The following NEBL variants were observed in gnomAD, a reference collection of about 807,000 sequenced individuals.
NEBL encodes LIM and SH3 protein 2.
Under a neutral mutation model 140.2 loss-of-function variants are expected in NEBL, and 122 were observed. That is an observed-to-expected ratio of 0.87 (90% confidence interval 0.75 to 1.01). The LOEUF is 1.01. NEBL is among the 50% of genes least tolerant of loss of function. NEBL has a pLI of 0.00. For synonymous variants in NEBL, 436 were observed against 398.9 expected (o/e 1.09, Z -1.11); for missense variants, 1,365 against 1,231.3 (o/e 1.11, Z -1.62).
rs112981415 is a variant in NEBL, at chr10:20,815,833, A to G, written c.2149-116T>C. ...ACCCAGGCTGAAGTGCAGTGGTACA[A>G]TCTTTGCTCACCACAGCCTCGATCT... On this transcript the variant is annotated intron_variant, in intron 21 of 27. Transcript: ENST00000377122. The G allele has an allele frequency of 2.5e-3, 1,915 of 765,252 alleles. 23 individuals are homozygous for G. In the African/African-American group the frequency reaches 0.027, roughly 11 times the overall value. 47.4% of individuals were successfully genotyped at this position (765,252 alleles called of 1,614,324 possible).
At chr10:20,888,015 C>T in intron 4 of NEBL, 82 bp downstream of exon 4, 2 of 989,604 alleles carry the variant, frequency 2.0e-6, no homozygotes, top group Non-Finnish European at 3.2e-6. Flanking sequence ...ATGATGAAAA[C>T]GTTTTATTAA....
At chr10:21,244,521 C>T (rs75903609) in intron 3 of NEBL, among the ~76,000 whole-genome samples, 5,334 of 150,970 alleles carry the variant, frequency 0.035, 138 homozygotes, top group South Asian at 0.11. Context: ...GCATGGTGGC[C>T]GGCGCCTGTA....
At chr10:20,812,221 A>ATTAT (rs898524121) in intron 24 of NEBL, among the ~76,000 whole-genome samples, 6 of 152,096 alleles carry the variant, frequency 3.9e-5, no homozygotes, top group African/African-American at 7.2e-5. Flanking sequence ...CAGAAAAACA[A>ATTAT]TTATTTTGTT....
At position 20,812,787 on chromosome 10, in the gene NEBL, T is replaced by G; in HGVS notation, c.2500A>C (p.Arg834=). ...AGCTTACCAACAATGATTCCAGGTC[T>G]CCTGTCCATCTCCACGATGTGAGGG... ...VHPHIVEMDR[R]PGIIVDLKVW... Residue 834 remains arginine (R), a synonymous_variant, in exon 24 of 28, where the codon AGA becomes CGA. Coordinates refer to ENST00000377122, the MANE Select transcript of NEBL (RefSeq NM_006393.3). 1 of 1,613,944 alleles carries G rather than the reference T, an allele frequency of 6.2e-7. No individual in the cohort carries two copies. Among genetic ancestry groups the G allele is most frequent in the East Asian group, 2.2e-5 (1 of 44,830 alleles).
chr10:20,887,213 T>G (rs74123533), intron 4 of NEBL, among the ~76,000 whole-genome samples: 6,813 of 143,156 alleles, frequency 0.048, 453 homozygotes, highest in African/African-American at 0.15. Flanking sequence ...TAAACCCTTC[T>G]GGATTCAAAA....
intron 21 of NEBL, among the ~76,000 whole-genome samples, chr10:20,816,773 C>T (rs893768977): frequency 5.3e-5 from 8 of 152,152 alleles, no homozygotes; most frequent in African/African-American, 1.9e-4. Flanking sequence ...GAGCAGGCCA[C>T]AAGTTGGTGT....
At chr10:21,088,871 C>A (rs1836775783) in intron 2 of NEBL, among the ~76,000 whole-genome samples, 1 of 152,146 alleles carries the variant, frequency 6.6e-6, no homozygotes, top group Non-Finnish European at 1.5e-5. Context: ...GGAAGTCTTT[C>A]TAGAAGAGCT....
At chr10:21,166,320 G>A (rs1045257254) in intron 2 of NEBL, among the ~76,000 whole-genome samples, 1 of 149,322 alleles carries the variant, frequency 6.7e-6, no homozygotes, top group Non-Finnish European at 1.5e-5. Context: ...AAAGTTTGCC[G>A]AAAGAATTCT....
At chr10:20,958,733 A>C (rs1175559520) in intron 4 of NEBL, among the ~76,000 whole-genome samples, 1 of 152,156 alleles carries the variant, frequency 6.6e-6, no homozygotes, top group African/African-American at 2.4e-5. Flanking sequence ...CTGTGGCTAC[A>C]CTAAGTGGGT....
chr10:21,192,345 C>T (rs1381681717), intron 3 of NEBL, among the ~76,000 whole-genome samples: 2 of 151,670 alleles, frequency 1.3e-5, no homozygotes, highest in Non-Finnish European at 2.9e-5. Context: ...GCACCCACCA[C>T]CACGCCTGGC....
chr10:20,796,367 G>GAAAAAAAAAAA (rs57844177), intron 26 of NEBL, among the ~76,000 whole-genome samples: 19 of 51,506 alleles, frequency 3.7e-4, no homozygotes, highest in Middle Eastern at 0.022. Flanking sequence ...TCTAAAACAA[G>GAAAAAAAAAAA]AAAAAAAAAA....
intron 3 of NEBL, among the ~76,000 whole-genome samples, chr10:21,231,394 G>A (rs965815944): frequency 1.3e-5 from 2 of 152,068 alleles, no homozygotes; most frequent in Non-Finnish European, 2.9e-5. Flanking sequence ...GCAAAAATTA[G>A]CCAGGCTTGG....
upstream of NEBL, among the ~76,000 whole-genome samples, chr10:20,901,727 C>T (rs1306896464): frequency 6.6e-6 from 1 of 152,140 alleles, no homozygotes; most frequent in Non-Finnish European, 1.5e-5. Context: ...GGTTTTTTCA[C>T]ACTCATTTTT....
rs533832819 is a variant in NEBL, at chr10:20,926,847, A to C, written c.357+34825T>G. Among the ~76,000 whole-genome samples the C allele has an allele frequency of 6.6e-5, 10 of 152,360 alleles. No individual in the cohort carries two copies. The South Asian group carries it at 1.9e-3, about 28-fold the overall frequency. The stretch of plus-strand genomic sequence containing the variant: ...CAGATCGGTTTCAATTTCTGAAAAG[A>C]AGAGAAACACAACCTATGAATATTC... On this transcript the variant is annotated intron_variant, in intron 4 of 6. Coordinates refer to the NEBL transcript ENST00000417816.
At chr10:21,272,145 T>TTTTTTTTG (rs1234338778) in intron 1 of NEBL, among the ~76,000 whole-genome samples, 7 of 140,282 alleles carry the variant, frequency 5.0e-5, no homozygotes, top group African/African-American at 1.5e-4. Context: ...TTTTTTTTTT[T>TTTTTTTTG]TAGTAGAGAC....
In NEBL at chr10:20,855,955, A is replaced by T. The variant is rs186920671; in HGVS notation, c.903+2285T>A. ...CACAACTCCAATTTTTTACATTAAAATGTTAAAGTAGGCTATTCTTTGTTT... is the reference window on the plus strand; with the variant it reads ...CACAACTCCAATTTTTTACATTAAATTGTTAAAGTAGGCTATTCTTTGTTT... On this transcript the variant is annotated intron_variant, in intron 9 of 27. Transcript: ENST00000377122. Among the ~76,000 whole-genome samples, 12 of 152,308 alleles carry T rather than the reference A, an allele frequency of 7.9e-5. 1 individual carries two copies. In the East Asian group the frequency reaches 2.3e-3, roughly 29 times the overall value.
rs1157606018 is a variant in NEBL at position 20,784,086 on chromosome 10, C to T, written c.*1661G>A. On this transcript the variant is annotated 3_prime_UTR_variant, in exon 28 of 28. Transcript: ENST00000377122. ...TTGGACTAGTAAACGTTTCCTTAAA[C>T]GATGTTTTACAGGATGTTTTGTTAA... 1 of 152,122 alleles carries T rather than the reference C, an allele frequency of 6.6e-6. No individual in the cohort carries two copies. 9.4% of individuals were successfully genotyped at this position (152,122 alleles called of 1,614,324 possible).
rs1336851580 is a variant in NEBL, at chr10:20,784,250, T to A, written c.*1497A>T. The A allele has an allele frequency of 1.3e-5, 2 of 152,144 alleles. No individual in the cohort carries two copies. The highest frequency in any genetic ancestry group is 2.9e-5 in the Non-Finnish European group (2 of 68,032). The allele number at this position is 152,144 out of a possible 1,614,324, so 9.4% of individuals were successfully genotyped here. A position where few individuals can be genotyped will look rare whatever the true frequency, so the allele number is the denominator to read the frequency against. ...AATGCCACCCCGTTGCAGGTCACAG[T>A]AAACGGCACAATCAGAAAAACACAG... On this transcript the variant is annotated 3_prime_UTR_variant, in exon 28 of 28. Coordinates refer to ENST00000377122, the MANE Select transcript of NEBL (RefSeq NM_006393.3).
At chr10:21,205,685 G>T (rs1841814267) in intron 3 of NEBL, among the ~76,000 whole-genome samples, 1 of 151,978 alleles carries the variant, frequency 6.6e-6, no homozygotes, top group African/African-American at 2.4e-5. Context: ...AGCTAAATTT[G>T]GGTAGTAGAA....
Sources: gnomAD v4.1 joint callset for allele counts (sites outside exome capture counted in the v4.1 genomes callset) on GRCh38, gnomAD v4.1.1 for gene constraint, MANE v1.5 for transcripts, NCBI Gene and HGNC (gene_info 2026-07-23, HGNC 2026-07-21) for gene names.